The following NCAPG2 variants were observed in gnomAD, a reference collection of about 807,000 sequenced individuals.
The protein encoded by NCAPG2 is non-SMC condensin II complex subunit G2.
Under a neutral mutation model 141.1 loss-of-function variants are expected in NCAPG2, and 53 were observed. The observed-to-expected ratio is 0.38, with a 90% confidence interval of 0.30 to 0.47. NCAPG2 has a LOEUF of 0.47. NCAPG2 is among the 20% of genes least tolerant of loss of function. The probability of loss-of-function intolerance (pLI) is 0.99; values close to 1 mark genes in which losing one functional copy is unlikely to be tolerated. For missense variants in NCAPG2, 1,087 were observed against 1,389.0 expected (o/e 0.78, Z 3.46); for synonymous variants, 499 against 490.7 (o/e 1.02, Z -0.22).
At chr7:158,642,933 C>T (rs753021336) in intron 27 of NCAPG2, among the ~76,000 whole-genome samples, 32 of 152,196 alleles carry the variant, frequency 2.1e-4, no homozygotes, top group Middle Eastern at 3.4e-3. Context: ...TGCCACCACA[C>T]CCGGCTAATT....
Position 158,660,424 on chromosome 7 carries a change from TTTTTTA to T in NCAPG2, c.1989+1764_1989+1769del, listed in dbSNP as rs1157379059. Among the ~76,000 whole-genome samples, 147 of 95,286 alleles carry T rather than the reference TTTTTTA, an allele frequency of 1.5e-3. 3 individuals carry two copies. The highest frequency in any genetic ancestry group is 7.8e-3 in the East Asian group (36 of 4,604). The allele number at this position is 95,286 out of a possible 152,430, so 62.5% of individuals were successfully genotyped here. A position where few individuals can be genotyped will look rare whatever the true frequency, so the allele number is the denominator to read the frequency against. On this transcript the variant is annotated intron_variant, in intron 16 of 27. Coordinates refer to ENST00000356309, the MANE Select transcript of NCAPG2 (RefSeq NM_017760.7). ...TTCTTTTTTTTTTTTTTTTTTTTTT[TTTTTTA>T]AAAGAGGCAGGGTCTCACTCTGTTG...
At chr7:158,648,379 A>G (rs1252546000) in intron 24 of NCAPG2, among the ~76,000 whole-genome samples, 1 of 152,220 alleles carries the variant, frequency 6.6e-6, no homozygotes, top group Admixed American at 6.5e-5. Context: ...ATTCATCATA[A>G]AAGTGACAGG....
intron 6 of NCAPG2, among the ~76,000 whole-genome samples, chr7:158,688,516 T>C (rs538915910): frequency 3.9e-5 from 6 of 152,384 alleles, no homozygotes; most frequent in South Asian, 4.1e-4. Context: ...CCTGGAGACA[T>C]GTGTGGGGCA....
intron 2 of NCAPG2, among the ~76,000 whole-genome samples, chr7:158,698,503 C>T (rs1239894424): frequency 6.6e-6 from 1 of 152,208 alleles, no homozygotes; most frequent in Admixed American, 6.5e-5. Context: ...ACTGTGCCTA[C>T]AGTATTCAGT....
At chr7:158,648,292 T>C (rs1236491683) in intron 24 of NCAPG2, among the ~76,000 whole-genome samples, 1 of 150,634 alleles carries the variant, frequency 6.6e-6, no homozygotes, top group Non-Finnish European at 1.5e-5. Context: ...CTGAGATCTC[T>C]AGAGAAATCA....
chr7:158,631,331 A>C lies in NCAPG2; in HGVS notation c.*335T>G, dbSNP rs184161973. 1.3e-4 allele frequency: 36 copies of C among 276,822 alleles called. No individual in the cohort carries two copies. Among genetic ancestry groups the C allele is most frequent in the African/African-American group, 5.9e-4 (26 of 43,810 alleles). The allele number at this position is 276,822 out of a possible 1,614,324, so 17.1% of individuals were successfully genotyped here. On this transcript the variant is annotated 3_prime_UTR_variant, in exon 28 of 28. Coordinates refer to ENST00000356309, the MANE Select transcript of NCAPG2 (RefSeq NM_017760.7). ...AAATGGATGTTGTCATTGCTTTATT[A>C]CTCATAGTTTCCAAGCAATATTACA...
intron 12 of NCAPG2, among the ~76,000 whole-genome samples, chr7:158,672,492 G>A (rs1237676109): frequency 2.0e-5 from 3 of 150,640 alleles, no homozygotes; most frequent in East Asian, 2.0e-4. Context: ...ACAGGCGCCC[G>A]CCACCACGCC....
At position 158,650,908 on chromosome 7, in the gene NCAPG2, T is replaced by C. The variant is rs1831441729; in HGVS notation, c.2999A>G (p.Asp1000Gly). ...AAGTACACCCCGGTGCACAGGGGTG[T>C]CTGTGTGCCGAGACTGAACAGCAGT... ...FITAVQSRHTDTPVHRGVLST... is the reference protein window; with the variant it reads ...FITAVQSRHTGTPVHRGVLST... Residue 1000 changes from aspartate to glycine, a missense_variant, in exon 24 of 28, where the codon GAC (aspartate) becomes GGC (glycine). Asp to Gly is a moderately conservative substitution (Grantham distance 94). Coordinates refer to ENST00000356309, the MANE Select transcript of NCAPG2 (RefSeq NM_017760.7). 1 of 1,613,724 alleles carries C rather than the reference T, an allele frequency of 6.2e-7. No homozygotes were observed. The highest frequency in any genetic ancestry group is 1.3e-5 in the African/African-American group (1 of 74,844).
chr7:158,697,554 C>T (rs965709005), intron 2 of NCAPG2, among the ~76,000 whole-genome samples: 7 of 149,580 alleles, frequency 4.7e-5, no homozygotes, highest in Admixed American at 1.3e-4. Context: ...TGAGCCAAGA[C>T]GACGCCACTG....
At chr7:158,671,378 A>C in intron 13 of NCAPG2, 136 bp downstream of exon 13, 1 of 1,125,668 alleles carries the variant, frequency 8.9e-7, no homozygotes, top group Non-Finnish European at 1.3e-6. Context: ...ACACAAAATA[A>C]CATTTTTGAC....
chr7:158,664,435 G>A (rs925952559), intron 14 of NCAPG2, 93 bp downstream of exon 14: 1 of 1,510,594 alleles, frequency 6.6e-7, no homozygotes. Context: ...AAAGTATGAA[G>A]CTTATTAAAT....
intron 16 of NCAPG2, among the ~76,000 whole-genome samples, chr7:158,659,620 T>C (rs1832317303): frequency 6.6e-6 from 1 of 152,150 alleles, no homozygotes; most frequent in Non-Finnish European, 1.5e-5. Context: ...ACATCCACCC[T>C]TCCTCAAGAA....
In NCAPG2 at chr7:158,693,345, A is replaced by T. The variant is rs771503133; in HGVS notation, c.231T>A (p.Gly77=). The T allele has an allele frequency of 7.4e-6, 12 of 1,613,936 alleles. No homozygotes were observed. In the Admixed American group the frequency reaches 2.0e-4, roughly 27 times the overall value. Reference sequence around the variant, plus strand: ...CATGTTCGGTTTCCATATTGTCTTCACCCTGGGCTTCCACTACCTGCCACC... The same window carrying T: ...CATGTTCGGTTTCCATATTGTCTTCTCCCTGGGCTTCCACTACCTGCCACC... ...VDGWQVVEAQ[G]EDNMETEHGS... The change falls in exon 3 of 28, where the codon GGT becomes GGA. Residue 77 remains glycine (G), a synonymous_variant. Coordinates refer to ENST00000356309, the MANE Select transcript of NCAPG2 (RefSeq NM_017760.7).
chr7:158,698,120 A>C (rs1835569953), intron 2 of NCAPG2, among the ~76,000 whole-genome samples: 1 of 151,948 alleles, frequency 6.6e-6, no homozygotes, highest in Admixed American at 6.5e-5. Context: ...AAGTTAAAAT[A>C]AAATAAAATG....
chr7:158,658,449 G>A, intron 16 of NCAPG2, 41 bp from the exon 17 acceptor site: 1 of 1,518,206 alleles, frequency 6.6e-7, no homozygotes, highest in Non-Finnish European at 8.9e-7. Flanking sequence ...GCATATGTAA[G>A]CACTATAAAT....
At chr7:158,699,177 G>T (rs568106389) in intron 2 of NCAPG2, among the ~76,000 whole-genome samples, 1 of 152,072 alleles carries the variant, frequency 6.6e-6, no homozygotes, top group Non-Finnish European at 1.5e-5. Flanking sequence ...TTCTTTGTGT[G>T]TACTATAACC....
At chr7:158,687,086 G>A (rs1834804204) in intron 7 of NCAPG2, among the ~76,000 whole-genome samples, 1 of 152,086 alleles carries the variant, frequency 6.6e-6, no homozygotes, top group African/African-American at 2.4e-5. Flanking sequence ...GCTTTATTAC[G>A]AGCGAGGCTA....
chr7:158,692,768 A>T, intron 4 of NCAPG2, 74 bp downstream of exon 4: 1 of 975,604 alleles, frequency 1.0e-6, no homozygotes, highest in Non-Finnish European at 1.6e-6. Context: ...TGAATGAATA[A>T]ATAAAAACAG....
rs754687038 is a variant in NCAPG2, at chr7:158,655,459, T to TAA, written c.2389-6_2389-5dup. The stretch of plus-strand genomic sequence containing the variant: ...GCAGAAGTGACTCCAGATCTGCCTG[T>TAA]AATAGAAAAAACCCAAGGGCCACAT... On this transcript the variant is annotated splice_region_variant and splice_polypyrimidine_tract_variant and intron_variant, in intron 19 of 27. Coordinates refer to ENST00000356309, the MANE Select transcript of NCAPG2 (RefSeq NM_017760.7). 6.2e-7 allele frequency: 1 copy of TAA among 1,612,968 alleles called. No individual in the cohort carries two copies. The highest frequency in any genetic ancestry group is 1.3e-5 in the African/African-American group (1 of 74,816).
Sources: allele counts gnomAD v4.1 joint callset (sites outside exome capture counted in the v4.1 genomes callset), GRCh38; gene constraint gnomAD v4.1.1; transcripts MANE v1.5; gene names NCBI Gene and HGNC (gene_info 2026-07-23, HGNC 2026-07-21).